Variants in UQCRC2 observed in about 807,000 individuals in gnomAD.
The protein encoded by UQCRC2 is ubiquinol-cytochrome c reductase core protein 2, also known as cytochrome b-c1 complex subunit 2, mitochondrial.
A neutral mutation model predicts 55.6 loss-of-function variants in UQCRC2; 49 were observed. The ratio of observed to expected loss-of-function variants is 0.88; its 90% CI spans 0.70 to 1.12. The LOEUF (loss-of-function observed/expected upper bound fraction) is 1.12, where lower values mean the gene tolerates loss of function less well. Among genes scored for constraint, UQCRC2 ranks in the 50% most tolerant of loss-of-function variants. The pLI, the probability that UQCRC2 is intolerant of heterozygous loss-of-function variation, is 0.00. For synonymous variants in UQCRC2, 193 were observed against 192.0 expected, an observed-to-expected ratio of 1.01 and a Z score of -0.04; for missense variants, 506 against 547.8, an observed-to-expected ratio of 0.92 and a Z score of 0.76.
intron 4 of UQCRC2, chr16:21,961,333 T>C: frequency 2.2e-6 from 1 of 448,458 alleles, no homozygotes; most frequent in South Asian, 1.6e-5. Context: ...TTTAGGGAAA[T>C]GGGTAAAGTA....
chr16:21,980,736 GAACTT>G, intron 13 of UQCRC2, 36 bp downstream of exon 13: 1 of 1,607,660 alleles, frequency 6.2e-7, no homozygotes, highest in Non-Finnish European at 8.5e-7. Context: ...TAACAACAGA[GAACTT>G]AACCTTAATG....
chr16:21,972,139 G>T lies in UQCRC2; in HGVS notation c.966+17G>T, dbSNP rs1448539459. Reference sequence around the variant, plus strand: ...CCATTTGATGTGAGTCTGAACAGTTGGTATCTCTCTTTTTGCTTTCAAAGG... The same window carrying T: ...CCATTTGATGTGAGTCTGAACAGTTTGTATCTCTCTTTTTGCTTTCAAAGG... On this transcript the variant is annotated intron_variant, in intron 10 of 13. Coordinates refer to ENST00000268379, the MANE Select transcript of UQCRC2 (RefSeq NM_003366.4). 1 of 1,606,188 alleles carries T rather than the reference G, an allele frequency of 6.2e-7. No homozygotes were observed. Among genetic ancestry groups the T allele is most frequent in the Admixed American group, 1.7e-5 (1 of 58,512 alleles).
In UQCRC2 at chr16:21,970,064, G is replaced by C. The variant is rs539527318; in HGVS notation, c.670+1379G>C. Reference sequence around the variant, plus strand: ...ACATTTCCTATAAATGGAGTCATACGATATGTGGCCTTTTGTAACTGGCTT... The same window carrying C: ...ACATTTCCTATAAATGGAGTCATACCATATGTGGCCTTTTGTAACTGGCTT... On this transcript the variant is annotated intron_variant, in intron 8 of 13. Transcript: ENST00000268379. Among the ~76,000 whole-genome samples, 22 of 152,102 alleles carry C rather than the reference G, an allele frequency of 1.4e-4. No homozygotes were observed. In the South Asian group the frequency reaches 4.4e-3, roughly 30 times the overall value.
intron 13 of UQCRC2, among the ~76,000 whole-genome samples, 186 bp from the exon 14 acceptor site, chr16:21,982,902 T>TGCAGTGAGCCAAGATC (rs1898767003): frequency 6.9e-6 from 1 of 145,068 alleles, no homozygotes; most frequent in Admixed American, 7.2e-5. Context: ...AGGCGGAGGC[T>TGCAGTGAGCCAAGATC]GCAGTGAGCC....
Position 21,977,994 on chromosome 16 carries a change from A to G in UQCRC2, c.1124+1751A>G, listed in dbSNP as rs149294823. Among the ~76,000 whole-genome samples the G allele has an allele frequency of 4.7e-3, 723 of 152,334 alleles. 7 individuals are homozygous for G. Among genetic ancestry groups the G allele is most frequent in the African/African-American group, 0.016 (676 of 41,574 alleles). ...TGATGAGAATACATTGAAACACTGG[A>G]TTTACTTAAGAAAAACCTAAGTTTT... On this transcript the variant is annotated intron_variant, in intron 12 of 13. Transcript: ENST00000268379.
chr16:21,978,213 G>A (rs771477371), intron 12 of UQCRC2, among the ~76,000 whole-genome samples: 4 of 152,110 alleles, frequency 2.6e-5, no homozygotes, highest in African/African-American at 9.7e-5. Context: ...TGTCATTGCC[G>A]AAAGGACACA....
chr16:21,955,816 A>G (rs764778934), intron 1 of UQCRC2, among the ~76,000 whole-genome samples: 5 of 151,230 alleles, frequency 3.3e-5, no homozygotes, highest in Non-Finnish European at 7.4e-5. Flanking sequence ...GTTGGTATAT[A>G]CTTTGTCTTT....
intron 13 of UQCRC2, among the ~76,000 whole-genome samples, chr16:21,981,696 G>A (rs1373954226): frequency 6.6e-6 from 1 of 151,906 alleles, no homozygotes; most frequent in Non-Finnish European, 1.5e-5. Flanking sequence ...CTGGGAGGCA[G>A]AGGTTGCAGC....
At chr16:21,963,834 T>C (rs1249526428) in intron 6 of UQCRC2, among the ~76,000 whole-genome samples, 1 of 152,180 alleles carries the variant, frequency 6.6e-6, no homozygotes, top group Non-Finnish European at 1.5e-5. Flanking sequence ...CTGCTGCTAT[T>C]ATTGCTTACT....
intron 13 of UQCRC2, among the ~76,000 whole-genome samples, chr16:21,982,551 C>T (rs1157944157): frequency 6.6e-6 from 1 of 152,188 alleles, no homozygotes; most frequent in African/African-American, 2.4e-5. Context: ...GTTCATTACA[C>T]ATACAATGGG....
At chr16:21,975,313 A>C (rs1898555761) in intron 11 of UQCRC2, among the ~76,000 whole-genome samples, 1 of 152,186 alleles carries the variant, frequency 6.6e-6, no homozygotes, top group African/African-American at 2.4e-5. Flanking sequence ...GATCTTGATA[A>C]AGTGGAAGAA....
intron 1 of UQCRC2, 35 bp from the exon 2 acceptor site, chr16:21,957,200 G>T: frequency 6.2e-7 from 1 of 1,604,178 alleles, no homozygotes. Flanking sequence ...CTGTTCTTGT[G>T]AGAAATACGT....
intron 1 of UQCRC2, among the ~76,000 whole-genome samples, chr16:21,954,767 A>C (rs1233477671): frequency 1.3e-5 from 2 of 151,948 alleles, no homozygotes; most frequent in Non-Finnish European, 2.9e-5. Flanking sequence ...TTACCGGCGG[A>C]GCGCGATGGC....
chr16:21,983,091 G>T lies in UQCRC2; in HGVS notation c.1282G>T (p.Ala428Ser). ...TCTTTTGTTTGTTTCTTTAAAGGCG[G>T]CAAAGAAGTTTGTTTCTGGCCAGAA... is the stretch of plus-strand genomic sequence containing the variant. ...SVANADIINA[A>S]KKFVSGQKSM... Residue 428 changes from alanine to serine, a missense_variant, in exon 14 of 14, where the codon GCA (alanine) becomes TCA (serine). Coordinates refer to ENST00000268379, the MANE Select transcript of UQCRC2 (RefSeq NM_003366.4). 1 of 1,613,170 alleles carries T rather than the reference G, an allele frequency of 6.2e-7. No homozygotes were observed. Among genetic ancestry groups the T allele is most frequent in the South Asian group, 1.1e-5 (1 of 90,726 alleles).
At position 21,957,272 on chromosome 16, in the gene UQCRC2, C is replaced by T; in HGVS notation, c.71C>T (p.Ala24Val). ...YSLKVAPKVKATAAPAGAPPQ... is the reference protein window; with the variant it reads ...YSLKVAPKVKVTAAPAGAPPQ... The stretch of plus-strand genomic sequence containing the variant: ...CTCAAAGTTGCCCCCAAAGTTAAAG[C>T]CACAGCTGCGCCTGCAGGAGCACCG... The change falls in exon 2 of 14, where the codon GCC (alanine) becomes GTC (valine). Residue 24 changes from alanine (A) to valine (V), a missense_variant. By Grantham distance (64) the Ala-to-Val change is moderately conservative. Coordinates refer to ENST00000268379, the MANE Select transcript of UQCRC2 (RefSeq NM_003366.4). 6.2e-7 allele frequency: 1 copy of T among 1,613,950 alleles called. No homozygotes were observed. Among genetic ancestry groups the T allele is most frequent in the Non-Finnish European group, 8.5e-7 (1 of 1,179,942 alleles).
intron 8 of UQCRC2, among the ~76,000 whole-genome samples, chr16:21,970,696 C>T (rs556236771): frequency 2.0e-4 from 31 of 152,248 alleles, no homozygotes; most frequent in African/African-American, 6.7e-4. Context: ...AGCAATTCTC[C>T]GGCCTCAGCC....
At chr16:21,968,567 GTT>G (rs1362367245) in intron 7 of UQCRC2, 59 bp from the exon 8 acceptor site, 32 of 1,462,794 alleles carry the variant, frequency 2.2e-5, no homozygotes, top group Non-Finnish European at 2.7e-5. Flanking sequence ...GTACTTTTAT[GTT>G]TTTACAGCTT....
intron 13 of UQCRC2, among the ~76,000 whole-genome samples, chr16:21,981,923 C>T (rs1287116879): frequency 6.6e-6 from 1 of 151,036 alleles, no homozygotes; most frequent in Non-Finnish European, 1.5e-5. Flanking sequence ...TCAGTACAAC[C>T]TCCGCCTCCC....
intron 8 of UQCRC2, among the ~76,000 whole-genome samples, chr16:21,970,241 C>T (rs1275385976): frequency 6.6e-6 from 1 of 152,106 alleles, no homozygotes; most frequent in Non-Finnish European, 1.5e-5. Flanking sequence ...TTTTGGCTGT[C>T]GTAAATATAA....
Sources: gnomAD v4.1 joint callset for allele counts (sites outside exome capture counted in the v4.1 genomes callset) on GRCh38, gnomAD v4.1.1 for gene constraint, MANE v1.5 for transcripts, NCBI Gene and HGNC (gene_info 2026-07-23, HGNC 2026-07-21) for gene names.